The following RP1 variants were observed in gnomAD, a reference collection of about 807,000 sequenced individuals.
The protein encoded by RP1 is oxygen-regulated protein 1.
Under a neutral mutation model 14.8 loss-of-function variants are expected in RP1, and 16 were observed. The observed-to-expected ratio is 1.08, with a 90% confidence interval of 0.73 to 1.65. RP1 has a LOEUF of 1.65. RP1 is among the 40% of genes most tolerant of loss of function. The pLI is 0.00. For synonymous variants in RP1, 876 were observed against 883.6 expected (o/e 0.99, Z 0.15); for missense variants, 2,631 against 2,535.0 (o/e 1.04, Z -0.81).
At chr8:54,682,070 T>C (rs1218324698) in intron 12 of RP1, among the ~76,000 whole-genome samples, 1 of 152,058 alleles carries the variant, frequency 6.6e-6, no homozygotes, top group Non-Finnish European at 1.5e-5. Context: ...GTAATGGGAT[T>C]GCTGGGCCAA....
intron 24 of RP1, among the ~76,000 whole-genome samples, chr8:54,784,142 C>T (rs989160737): frequency 3.3e-5 from 5 of 151,980 alleles, no homozygotes; most frequent in Non-Finnish European, 4.4e-5. Context: ...AAGACATGGG[C>T]GAAACGGTCA....
chr8:54,803,997 G>A (rs868595879), intron 24 of RP1, among the ~76,000 whole-genome samples: 1 of 152,092 alleles, frequency 6.6e-6, no homozygotes, highest in African/African-American at 2.4e-5. Flanking sequence ...GAACCCAGGA[G>A]GCGGAGGTTA....
intron 3 of RP1, among the ~76,000 whole-genome samples, chr8:54,643,505 C>T (rs932340085): frequency 1.3e-5 from 2 of 152,190 alleles, no homozygotes; most frequent in Admixed American, 6.5e-5. Context: ...TAAGATTCAT[C>T]CAAGCTGTTA....
chr8:54,618,264 G>A (rs1335399358), intron 1 of RP1, among the ~76,000 whole-genome samples: 2 of 152,130 alleles, frequency 1.3e-5, no homozygotes, highest in African/African-American at 4.8e-5. Context: ...CTCAGGGCTG[G>A]GTAGCAGTGG....
intron 1 of RP1, among the ~76,000 whole-genome samples, chr8:54,580,352 G>C (rs1804759407): frequency 6.9e-6 from 1 of 145,248 alleles, no homozygotes; most frequent in Middle Eastern, 3.6e-3. Context: ...CTGTCGCCAG[G>C]CTGGAGTGCA....
upstream of RP1, among the ~76,000 whole-genome samples, chr8:54,612,256 A>G (rs114678479): frequency 2.1e-3 from 316 of 152,344 alleles, 2 homozygotes; most frequent in African/African-American, 7.1e-3. Flanking sequence ...ATCAGCAGCC[A>G]GAACACAGAA....
chr8:54,747,326 T>C (rs1198442796), intron 19 of RP1, among the ~76,000 whole-genome samples: 1 of 152,212 alleles, frequency 6.6e-6, no homozygotes, highest in East Asian at 1.9e-4. Context: ...TTCTCCTGCT[T>C]TAGAGGTCCT....
At chr8:54,672,340 G>A (rs987747575) in intron 7 of RP1, among the ~76,000 whole-genome samples, 3 of 152,150 alleles carry the variant, frequency 2.0e-5, no homozygotes, top group African/African-American at 7.2e-5. Context: ...GGAGGTTCTG[G>A]ACTGTGGGTG....
intron 15 of RP1, among the ~76,000 whole-genome samples, chr8:54,709,244 C>A (rs1426402333): frequency 6.6e-6 from 1 of 152,174 alleles, no homozygotes; most frequent in East Asian, 1.9e-4. Context: ...CAAGAACCAG[C>A]CTTGTTGACA....
intron 3 of RP1, among the ~76,000 whole-genome samples, chr8:54,643,122 T>A (rs2129323219): frequency 6.6e-6 from 1 of 152,330 alleles, no homozygotes; most frequent in African/African-American, 2.4e-5. Flanking sequence ...TTGTCCTTTT[T>A]CATTTGTGTG....
chr8:54,729,244 G>A (rs556741133), intron 17 of RP1, among the ~76,000 whole-genome samples: 2 of 152,182 alleles, frequency 1.3e-5, no homozygotes, highest in South Asian at 2.1e-4. Flanking sequence ...AGCTCCAGTC[G>A]CTTGTCTCTG....
chr8:54,617,919 A>G (rs543517005), intron 1 of RP1, among the ~76,000 whole-genome samples: 2 of 152,136 alleles, frequency 1.3e-5, no homozygotes, highest in Admixed American at 6.5e-5. Flanking sequence ...CAACAATAAT[A>G]CCTAATCTTT....
At chr8:54,844,679 G>A (rs543242740) in intron 25 of RP1, among the ~76,000 whole-genome samples, 4 of 152,314 alleles carry the variant, frequency 2.6e-5, no homozygotes, top group East Asian at 1.9e-4. Flanking sequence ...CCCATAGATC[G>A]TTTCCCAATA....
intron 24 of RP1, among the ~76,000 whole-genome samples, chr8:54,824,564 C>T (rs186970039): frequency 5.9e-5 from 9 of 152,240 alleles, no homozygotes; most frequent in Admixed American, 6.5e-5. Flanking sequence ...TTCTATGAAG[C>T]CATTATTACC....
chr8:54,583,653 TATTA>T lies in RP1; in HGVS notation c.-13+24338_-13+24341del, dbSNP rs1804850751. 2.0e-5 allele frequency among the ~76,000 whole-genome samples: 3 copies of T among 152,364 alleles called. No individual in the cohort carries two copies. The South Asian group carries it at 6.2e-4, about 32-fold the overall frequency. Reference sequence around the variant, plus strand: ...CCTGTACTTTTTTTCATTGATAAGCTATTAATTATTGCCTCAATTTCAGAGCCTG... The same window carrying T: ...CCTGTACTTTTTTTCATTGATAAGCTATTATTGCCTCAATTTCAGAGCCTG... On this transcript the variant is annotated intron_variant, in intron 1 of 22. Transcript: ENST00000636932.
At chr8:54,578,370 A>G (rs1804708119) in intron 1 of RP1, among the ~76,000 whole-genome samples, 1 of 151,684 alleles carries the variant, frequency 6.6e-6, no homozygotes, top group Admixed American at 6.6e-5. Context: ...ATGCCTGGTT[A>G]ATTTTTATTT....
rs745452078 is a variant in RP1, at chr8:54,622,164, G to A, written c.663G>A (p.Ala221=). Reference sequence around the variant, plus strand: ...TCCTGAGCTCTGGAGCTGTGGTGGCGGCAGGAAGGGAGCCATTTAAACCAG... The same window carrying A: ...TCCTGAGCTCTGGAGCTGTGGTGGCAGCAGGAAGGGAGCCATTTAAACCAG... ...AVILSSGAVV[A]AGREPFKPGN... The change falls in exon 3 of 4, where the codon GCG becomes GCA. Residue 221 remains alanine (A), a synonymous_variant. Transcript: ENST00000220676. 37 of 1,613,982 alleles carry A rather than the reference G, an allele frequency of 2.3e-5. 1 individual carries two copies. Among genetic ancestry groups the A allele is most frequent in the Non-Finnish European group, 2.9e-5 (34 of 1,180,026 alleles).
chr8:54,859,555 T>C (rs1056105426), intron 27 of RP1, among the ~76,000 whole-genome samples: 5 of 150,454 alleles, frequency 3.3e-5, no homozygotes, highest in Middle Eastern at 3.6e-3. Flanking sequence ...AGTGTCACTG[T>C]AGGTGGTGTC....
chr8:54,799,787 T>C (rs1810659944), intron 24 of RP1, among the ~76,000 whole-genome samples: 1 of 152,104 alleles, frequency 6.6e-6, no homozygotes, highest in African/African-American at 2.4e-5. Flanking sequence ...ACTTCCCATT[T>C]CTTATAGCAT....
Sources: gnomAD v4.1 joint callset for allele counts (sites outside exome capture counted in the v4.1 genomes callset) on GRCh38, gnomAD v4.1.1 for gene constraint, MANE v1.5 for transcripts, NCBI Gene and HGNC (gene_info 2026-07-23, HGNC 2026-07-21) for gene names.